Variants in HS6ST3 observed in about 807,000 individuals in gnomAD.
The protein encoded by HS6ST3 is heparan-sulfate 6-O-sulfotransferase 3.
In HS6ST3, 12 loss-of-function variants were observed where a neutral mutation model predicts 36.7. The ratio of observed to expected loss-of-function variants is 0.33; its 90% CI spans 0.21 to 0.53. The LOEUF is 0.53. Ranked by LOEUF, HS6ST3 falls within the 20% of genes least tolerant of loss-of-function variation. The probability of loss-of-function intolerance (pLI) is 0.95; values close to 1 mark genes in which losing one functional copy is unlikely to be tolerated. For missense variants in HS6ST3, 584 were observed against 640.9 expected (o/e 0.91, Z 0.96); for synonymous variants, 240 against 257.5 (o/e 0.93, Z 0.65).
intron 1 of HS6ST3, among the ~76,000 whole-genome samples, chr13:96,702,457 T>G (rs1875314987): frequency 6.6e-6 from 1 of 152,244 alleles, no homozygotes; most frequent in African/African-American, 2.4e-5. Flanking sequence ...AGTTAGTGTG[T>G]AAGTGAGCCA....
rs968823760 is a variant in HS6ST3, at chr13:96,684,889, C to T, written c.708-147601C>T. 2.6e-5 allele frequency among the ~76,000 whole-genome samples: 4 copies of T among 151,986 alleles called. No homozygotes were observed. In the East Asian group the frequency reaches 7.7e-4, roughly 29 times the overall value. On this transcript the variant is annotated intron_variant, in intron 1 of 1. Transcript: ENST00000376705. ...CCAGGACAGTGACAGTAGAGAAATG[C>T]TCTGTGTTTATGTGTATATAATACA...
At chr13:96,152,949 C>T (rs1594696330) in intron 1 of HS6ST3, among the ~76,000 whole-genome samples, 1 of 152,130 alleles carries the variant, frequency 6.6e-6, no homozygotes, top group Non-Finnish European at 1.5e-5. Flanking sequence ...GTTTAATGCA[C>T]GCTGTTCGCA....
intron 1 of HS6ST3, among the ~76,000 whole-genome samples, chr13:96,164,813 T>C (rs994078858): frequency 6.6e-6 from 1 of 152,210 alleles, no homozygotes; most frequent in Admixed American, 6.5e-5. Flanking sequence ...CTAATTAGGA[T>C]GAAGCTGGGC....
intron 1 of HS6ST3, among the ~76,000 whole-genome samples, chr13:96,422,682 G>A (rs1394965147): frequency 6.6e-6 from 1 of 152,134 alleles, no homozygotes; most frequent in Non-Finnish European, 1.5e-5. Context: ...CTGTTTGTAG[G>A]AATGCACCCA....
chr13:96,371,234 A>G (rs1276185369), intron 1 of HS6ST3, among the ~76,000 whole-genome samples: 1 of 152,172 alleles, frequency 6.6e-6, no homozygotes, highest in African/African-American at 2.4e-5. Flanking sequence ...GCAATCTCAT[A>G]TATATATGAA....
chr13:96,420,781 A>T (rs936181281), intron 1 of HS6ST3, among the ~76,000 whole-genome samples: 2 of 152,190 alleles, frequency 1.3e-5, no homozygotes, highest in African/African-American at 4.8e-5. Context: ...TTGGTTTTGA[A>T]ACATTTCTGC....
chr13:96,757,636 A>T (rs1251193351), intron 1 of HS6ST3, among the ~76,000 whole-genome samples: 1 of 152,074 alleles, frequency 6.6e-6, no homozygotes, highest in African/African-American at 2.4e-5. Flanking sequence ...TATCCGATTG[A>T]TGTTTCTTTC....
intron 1 of HS6ST3, among the ~76,000 whole-genome samples, chr13:96,154,974 C>T (rs2054103633): frequency 6.6e-6 from 1 of 151,904 alleles, no homozygotes; most frequent in Non-Finnish European, 1.5e-5. Context: ...ATATTTGCAA[C>T]AAAGTGTTCA....
intron 1 of HS6ST3, among the ~76,000 whole-genome samples, chr13:96,182,443 A>C (rs1295430424): frequency 6.6e-6 from 1 of 152,220 alleles, no homozygotes; most frequent in African/African-American, 2.4e-5. Context: ...GAGGTTTCAA[A>C]ATAGAACTTC....
chr13:96,739,859 G>T (rs1876391179), intron 1 of HS6ST3, among the ~76,000 whole-genome samples: 1 of 151,918 alleles, frequency 6.6e-6, no homozygotes, highest in Non-Finnish European at 1.5e-5. Context: ...TCATCACCAT[G>T]ACAAATCCCA....
intron 1 of HS6ST3, among the ~76,000 whole-genome samples, chr13:96,453,308 A>G (rs927871472): frequency 1.3e-5 from 2 of 152,142 alleles, no homozygotes; most frequent in Non-Finnish European, 2.9e-5. Context: ...ATTGTACTCA[A>G]TAAGTAATTT....
At chr13:96,399,266 A>C (rs920007590) in intron 1 of HS6ST3, among the ~76,000 whole-genome samples, 1 of 152,212 alleles carries the variant, frequency 6.6e-6, no homozygotes, top group African/African-American at 2.4e-5. Flanking sequence ...AAAAAGTGCT[A>C]TTCATAGTTT....
rs530135372 is a variant in HS6ST3, at chr13:96,395,500, G to A, written c.707+303931G>A. ...GCTCTCTCTCTCATCCCATCCATCC[G>A]TTTTTTTCCTCCCAGTATGTGAAAC... On this transcript the variant is annotated intron_variant, in intron 1 of 1. Transcript: ENST00000376705. Among the ~76,000 whole-genome samples the A allele has an allele frequency of 4.6e-5, 7 of 152,040 alleles. No homozygotes were observed. The East Asian group carries it at 1.2e-3, about 25-fold the overall frequency.
intron 1 of HS6ST3, among the ~76,000 whole-genome samples, chr13:96,133,731 A>C: frequency 6.6e-6 from 1 of 152,068 alleles, no homozygotes; most frequent in East Asian, 1.9e-4. Context: ...CCCTGTGCAG[A>C]AGCTTTTTAG....
intron 1 of HS6ST3, among the ~76,000 whole-genome samples, chr13:96,203,203 C>T (rs2054352142): frequency 6.6e-6 from 1 of 152,162 alleles, no homozygotes; most frequent in Non-Finnish European, 1.5e-5. Flanking sequence ...GGCTTATAAG[C>T]AGCAGGAATT....
At chr13:96,787,911 T>G (rs1322171773) in intron 1 of HS6ST3, among the ~76,000 whole-genome samples, 1 of 152,006 alleles carries the variant, frequency 6.6e-6, no homozygotes, top group Non-Finnish European at 1.5e-5. Context: ...GCTGATCCAT[T>G]TTTTAGTTAA....
intron 1 of HS6ST3, among the ~76,000 whole-genome samples, chr13:96,659,113 A>T (rs1233615607): frequency 6.6e-6 from 1 of 152,236 alleles, no homozygotes; most frequent in Non-Finnish European, 1.5e-5. Context: ...TCTGAAGTTG[A>T]TGCAGCAGTT....
At chr13:96,327,083 T>A (rs1369278497) in intron 1 of HS6ST3, among the ~76,000 whole-genome samples, 1 of 143,646 alleles carries the variant, frequency 7.0e-6, no homozygotes, top group African/African-American at 2.6e-5. Context: ...ATATTAGCCC[T>A]TTGTCAGATG....
intron 1 of HS6ST3, among the ~76,000 whole-genome samples, chr13:96,376,552 A>G (rs1230247098): frequency 1.3e-5 from 2 of 152,186 alleles, no homozygotes; most frequent in Non-Finnish European, 2.9e-5. Flanking sequence ...GGTTGGTAGC[A>G]TGGCAAGAAC....
Sources: allele counts gnomAD v4.1 joint callset (sites outside exome capture counted in the v4.1 genomes callset), GRCh38; gene constraint gnomAD v4.1.1; transcripts MANE v1.5; gene names NCBI Gene and HGNC (gene_info 2026-07-23, HGNC 2026-07-21).